The following LRRC36 variants were observed in gnomAD, a reference collection of about 807,000 sequenced individuals.
LRRC36 encodes leucine-rich repeat-containing protein 36.
LRRC36 carries 62 observed loss-of-function variants against 81.1 expected under a neutral mutation model. The observed-to-expected ratio is 0.76, with a 90% confidence interval of 0.62 to 0.94. LRRC36 has a LOEUF of 0.94. Ranked by LOEUF, LRRC36 falls within the 40% of genes least tolerant of loss-of-function variation. LRRC36 has a pLI of 0.00. For synonymous variants in LRRC36, 334 were observed against 348.6 expected, an observed-to-expected ratio of 0.96 and a Z score of 0.47; for missense variants, 761 against 881.7, an observed-to-expected ratio of 0.86 and a Z score of 1.73.
At chr16:67,373,262 C>A (rs1458072680) in intron 9 of LRRC36, among the ~76,000 whole-genome samples, 1 of 152,062 alleles carries the variant, frequency 6.6e-6, no homozygotes, top group East Asian at 1.9e-4. Context: ...ATCTTAAAAG[C>A]TCCTTTTTTT....
intron 1 of LRRC36, among the ~76,000 whole-genome samples, chr16:67,333,125 C>T (rs781603886): frequency 2.6e-5 from 4 of 151,646 alleles, no homozygotes; most frequent in Non-Finnish European, 5.9e-5. Context: ...TAAAGTTCAC[C>T]GTTTTAGTAT....
rs148930516 is a variant in LRRC36, at chr16:67,363,634, A to G, written c.622A>G (p.Lys208Glu). 6.2e-7 allele frequency: 1 copy of G among 1,613,992 alleles called. No individual in the cohort carries two copies. The highest frequency in any genetic ancestry group is 8.5e-7 in the Non-Finnish European group (1 of 1,179,848). ...TATTCCCTTCCCCAACCGGGAAATA[A>G]AGGATTCCCTAAGTACTTCTGCAAC... ...LFIPFPNREI[K>E]DSLSTSATQG... The change falls in exon 6 of 14, where the codon AAG becomes GAG. Residue 208 changes from lysine (K) to glutamate (E), a missense_variant. By Grantham distance (56) the Lys-to-Glu change is moderately conservative. Around this residue, in one of 3 missense-constraint regions of LRRC36, gnomAD observed 263 missense variants for 279.3 expected, o/e 0.94. Transcript: ENST00000329956.
At chr16:67,338,869 T>C (rs937372461) in intron 1 of LRRC36, among the ~76,000 whole-genome samples, 55 of 48,166 alleles carry the variant, frequency 1.1e-3, no homozygotes, top group South Asian at 1.6e-3. Flanking sequence ...AGCTGAATTT[T>C]TTTTTTTTTT....
chr16:67,350,490 A>G (rs1255228653), intron 5 of LRRC36, among the ~76,000 whole-genome samples, 200 bp downstream of exon 5: 3 of 152,200 alleles, frequency 2.0e-5, no homozygotes, highest in Non-Finnish European at 4.4e-5. Flanking sequence ...AGCCCATGAA[A>G]GCACAAGCTG....
At position 67,363,492 on chromosome 16, in the gene LRRC36, A is replaced by C. The variant is rs565440545; in HGVS notation, c.578-98A>C. 2.2e-5 allele frequency: 28 copies of C among 1,254,830 alleles called. No homozygotes were observed. In the South Asian group the frequency reaches 3.2e-4, roughly 14 times the overall value. 77.7% of individuals were successfully genotyped at this position (1,254,830 alleles called of 1,614,324 possible). On this transcript the variant is annotated intron_variant, in intron 5 of 13. Transcript: ENST00000329956. ...AGTGGTGGCACCAGAACTAGCACTC[A>C]ATCTTGTGACTTTCCTTTTAGTATC...
chr16:67,352,954 T>C (rs893024897), intron 5 of LRRC36, among the ~76,000 whole-genome samples: 2 of 152,152 alleles, frequency 1.3e-5, no homozygotes, highest in Admixed American at 6.6e-5. Flanking sequence ...CCCAAAGTGC[T>C]AGGATTATAG....
At chr16:67,352,539 G>A (rs1004330521) in intron 5 of LRRC36, among the ~76,000 whole-genome samples, 1 of 151,674 alleles carries the variant, frequency 6.6e-6, no homozygotes, top group East Asian at 1.9e-4. Context: ...CCATATCCCC[G>A]AAATAGGCGT....
At chr16:67,332,021 A>G (rs1452094887) in intron 1 of LRRC36, among the ~76,000 whole-genome samples, 1 of 152,076 alleles carries the variant, frequency 6.6e-6, no homozygotes, top group Non-Finnish European at 1.5e-5. Context: ...AGTTTTATTT[A>G]TTAGAAACAT....
At chr16:67,375,158 T>A in intron 9 of LRRC36, 89 bp from the exon 10 acceptor site, 2 of 1,415,544 alleles carry the variant, frequency 1.4e-6, no homozygotes, top group Non-Finnish European at 1.9e-6. Context: ...AAAGTCTCAA[T>A]GTCTAAATTC....
At chr16:67,364,731 A>C (rs1466756366) in intron 6 of LRRC36, among the ~76,000 whole-genome samples, 4 of 152,226 alleles carry the variant, frequency 2.6e-5, no homozygotes, top group Non-Finnish European at 5.9e-5. Context: ...TTACTTCTTG[A>C]AGTGAGAAAA....
chr16:67,336,433 A>G (rs1366056030), intron 1 of LRRC36, among the ~76,000 whole-genome samples: 1 of 152,048 alleles, frequency 6.6e-6, no homozygotes, highest in Non-Finnish European at 1.5e-5. Flanking sequence ...TTGTATTCCC[A>G]CCCCCAATGA....
At chr16:67,372,445 T>G (rs537231039) in intron 9 of LRRC36, among the ~76,000 whole-genome samples, 2 of 152,216 alleles carry the variant, frequency 1.3e-5, no homozygotes, top group South Asian at 4.1e-4. Flanking sequence ...CTTAACAAGT[T>G]TTGCTCCTGC....
At position 67,375,263 on chromosome 16, in the gene LRRC36, TG is replaced by T; in HGVS notation, c.1514del (p.Gly505ValfsTer60). 6.2e-7 allele frequency: 1 copy of T among 1,612,862 alleles called. No homozygotes were observed. Among genetic ancestry groups the T allele is most frequent in the Non-Finnish European group, 8.5e-7 (1 of 1,179,872 alleles). On this transcript the variant is annotated frameshift_variant, in exon 10 of 14. Transcript: ENST00000329956. LOFTEE classifies it high-confidence loss of function. ...TCTCTTGAGCCTCTCTCTAGTGACC[TG>T]GGTAGTTTGCACGGTTTGGCTGGAA... ...ATGSEPLSSD[L>X]GSLHGLAGNH...
chr16:67,359,935 A>C (rs1597469635), intron 5 of LRRC36, among the ~76,000 whole-genome samples: 1 of 152,254 alleles, frequency 6.6e-6, no homozygotes, highest in African/African-American at 2.4e-5. Flanking sequence ...CCAGCCTGAC[A>C]AACACAGTGA....
chr16:67,332,645 T>C (rs2142568864), intron 1 of LRRC36, among the ~76,000 whole-genome samples: 1 of 152,340 alleles, frequency 6.6e-6, no homozygotes, highest in South Asian at 2.1e-4. Flanking sequence ...AGAATGTTTG[T>C]CTTTGTGGCA....
chr16:67,376,611 T>C, intron 10 of LRRC36, 116 bp from the exon 11 acceptor site: 1 of 1,067,594 alleles, frequency 9.4e-7, no homozygotes, highest in Non-Finnish European at 1.4e-6. Flanking sequence ...TAAGTTCTGG[T>C]AAAAAGGAGA....
chr16:67,350,420 C>A, intron 5 of LRRC36, 130 bp downstream of exon 5: 1 of 763,122 alleles, frequency 1.3e-6, no homozygotes, highest in Non-Finnish European at 2.2e-6. Flanking sequence ...GGTTTACTGG[C>A]TGTGTTTTTC....
intron 9 of LRRC36, 124 bp downstream of exon 9, chr16:67,371,366 G>T: frequency 8.4e-7 from 1 of 1,186,386 alleles, no homozygotes. Context: ...GATTTTCAGA[G>T]GCTGGTGGCT....
intron 1 of LRRC36, among the ~76,000 whole-genome samples, chr16:67,329,001 C>T (rs762033652): frequency 5.3e-5 from 8 of 152,150 alleles, no homozygotes; most frequent in African/African-American, 1.7e-4. Context: ...TCTCCACCTC[C>T]GCATTTCAAG....
Sources: gnomAD v4.1 joint callset for allele counts (sites outside exome capture counted in the v4.1 genomes callset) on GRCh38, gnomAD v4.1.1 for gene constraint, gnomAD v4.1.1 regional missense constraint, MANE v1.5 for transcripts, NCBI Gene and HGNC (gene_info 2026-07-23, HGNC 2026-07-21) for gene names.